The following CLVS1 variants were observed in gnomAD, a reference collection of about 807,000 sequenced individuals.
The protein encoded by CLVS1 is clavesin 1.
Under a neutral mutation model 33.1 loss-of-function variants are expected in CLVS1, and 10 were observed. The observed-to-expected ratio is 0.30, with a 90% CI of 0.19 to 0.51. CLVS1 has a LOEUF of 0.51. Among genes scored for constraint, CLVS1 ranks in the 20% least tolerant of loss-of-function variants. CLVS1 has a pLI of 0.97. For missense variants in CLVS1, 343 were observed against 433.4 expected (o/e 0.79, Z 1.85); for synonymous variants, 163 against 166.1 (o/e 0.98, Z 0.14).
chr8:61,472,723 G>A (rs1817775039), intron 5 of CLVS1, among the ~76,000 whole-genome samples: 1 of 151,908 alleles, frequency 6.6e-6, no homozygotes, highest in Non-Finnish European at 1.5e-5. Context: ...AGGATAGAGG[G>A]CAATTAAGAG....
At chr8:61,179,577 A>C (rs956654489) in intron 2 of CLVS1, among the ~76,000 whole-genome samples, 3 of 152,222 alleles carry the variant, frequency 2.0e-5, no homozygotes, top group Admixed American at 6.5e-5. Flanking sequence ...TCTAAAATCA[A>C]CCACATAATT....
intron 1 of CLVS1, among the ~76,000 whole-genome samples, chr8:61,075,266 C>T (rs765751438): frequency 6.6e-6 from 1 of 152,082 alleles, no homozygotes; most frequent in African/African-American, 2.4e-5. Context: ...GATCATTCTC[C>T]CCAGAGGCCA....
chr8:61,090,624 C>A (rs1805226410), intron 1 of CLVS1, among the ~76,000 whole-genome samples: 1 of 152,106 alleles, frequency 6.6e-6, no homozygotes, highest in Admixed American at 6.5e-5. Flanking sequence ...TGCCTGGTTG[C>A]ATTTGGAAGT....
the CLVS1 span, among the ~76,000 whole-genome samples, chr8:60,989,413 G>A: frequency 1.3e-5 from 2 of 152,058 alleles, no homozygotes. Context: ...TTCCTGACAG[G>A]CGATCCACCC....
chr8:61,304,652 T>C (rs2129595011), intron 2 of CLVS1, among the ~76,000 whole-genome samples: 1 of 152,308 alleles, frequency 6.6e-6, no homozygotes, highest in Middle Eastern at 3.4e-3. Context: ...TTTGCCCCTT[T>C]AAGATCTGAT....
At chr8:61,491,450 T>C (rs2129608639) in intron 5 of CLVS1, among the ~76,000 whole-genome samples, 1 of 152,360 alleles carries the variant, frequency 6.6e-6, no homozygotes, top group Non-Finnish European at 1.5e-5. Flanking sequence ...ATAAAGTTAA[T>C]GTTAATTTTG....
chr8:61,152,016 C>T (rs937322449), intron 2 of CLVS1, among the ~76,000 whole-genome samples: 2 of 152,132 alleles, frequency 1.3e-5, no homozygotes, highest in Admixed American at 6.6e-5. Context: ...CCGCCCCCAG[C>T]TTTCTTTTCT....
At chr8:61,377,146 G>T (rs1452196401) in intron 3 of CLVS1, 1 of 175,390 alleles carries the variant, frequency 5.7e-6, no homozygotes, top group South Asian at 1.6e-4. Flanking sequence ...AAGCATTTTT[G>T]TGCCCCAGAA....
At chr8:61,052,771 G>T (rs1804408073), upstream of CLVS1, among the ~76,000 whole-genome samples, 1 of 152,152 alleles carries the variant, frequency 6.6e-6, no homozygotes, top group South Asian at 2.1e-4. Context: ...TGAGTGAGTT[G>T]AGGGCCACTT....
chr8:61,420,714 A>G (rs1409414874), intron 3 of CLVS1, among the ~76,000 whole-genome samples: 2 of 152,182 alleles, frequency 1.3e-5, no homozygotes, highest in Non-Finnish European at 2.9e-5. Flanking sequence ...CACACCTGTA[A>G]TTCCAGCACT....
chr8:61,219,265 C>A (rs1343889312), intron 2 of CLVS1, among the ~76,000 whole-genome samples: 1 of 151,994 alleles, frequency 6.6e-6, no homozygotes. Flanking sequence ...TAGTTTGCTG[C>A]ACCTATTGAC....
rs1804703887 is a variant in CLVS1 at position 61,067,457 on chromosome 8, TATTATTATAATGATC to T, written c.-243+10242_-243+10256del. Among the ~76,000 whole-genome samples the T allele has an allele frequency of 2.0e-5, 3 of 148,712 alleles. No homozygotes were observed. The South Asian group carries it at 6.2e-4, about 31-fold the overall frequency. ...ATATATTATATATTATTAGTTGATA[TATTATTATAATGATC>T]ATTATTATAATGATATATTAATAAT... On this transcript the variant is annotated intron_variant, in intron 1 of 2. Coordinates refer to the CLVS1 transcript ENST00000522621.
At chr8:61,292,191 A>G in intron 1 of CLVS1, 1 of 329,006 alleles carries the variant, frequency 3.0e-6, no homozygotes, top group South Asian at 2.6e-5. Context: ...ATGAAACAAA[A>G]ACCACTCCAT....
chr8:61,322,042 C>G (rs111888714), intron 2 of CLVS1, among the ~76,000 whole-genome samples: 1 of 152,084 alleles, frequency 6.6e-6, no homozygotes, highest in Non-Finnish European at 1.5e-5. Flanking sequence ...CACCTGTACC[C>G]TAGCTCCACT....
the CLVS1 span, among the ~76,000 whole-genome samples, chr8:60,971,196 CCT>C: frequency 6.6e-6 from 1 of 151,686 alleles, no homozygotes; most frequent in Admixed American, 6.6e-5. Context: ...CCCACCTCAG[CCT>C]TGCGAGTAGC....
chr8:61,321,891 A>G (rs915243423), intron 2 of CLVS1, among the ~76,000 whole-genome samples: 5 of 152,130 alleles, frequency 3.3e-5, no homozygotes, highest in African/African-American at 1.2e-4. Context: ...TGACCACTCA[A>G]GTTAGCATTG....
intron 3 of CLVS1, among the ~76,000 whole-genome samples, chr8:61,399,463 C>T (rs1207270686): frequency 6.6e-6 from 1 of 152,122 alleles, no homozygotes; most frequent in Non-Finnish European, 1.5e-5. Flanking sequence ...GGATAGATTA[C>T]AAAAATTTTA....
the CLVS1 span, among the ~76,000 whole-genome samples, chr8:61,000,689 C>G: frequency 3.7e-3 from 563 of 152,230 alleles, 18 homozygotes; most frequent in Admixed American, 0.031. Flanking sequence ...AATTCCAGCT[C>G]AATATGTAAT....
chr8:61,328,117 G>C (rs1393994777), intron 2 of CLVS1, among the ~76,000 whole-genome samples: 1 of 152,144 alleles, frequency 6.6e-6, no homozygotes, highest in Non-Finnish European at 1.5e-5. Context: ...TTGGGTAGGG[G>C]AATAGGCTCT....
Sources: allele counts gnomAD v4.1 joint callset (sites outside exome capture counted in the v4.1 genomes callset), GRCh38; gene constraint gnomAD v4.1.1; transcripts MANE v1.5; gene names NCBI Gene and HGNC (gene_info 2026-07-23, HGNC 2026-07-21).